Variants in SEZ6L2 observed in about 807,000 individuals in gnomAD.
SEZ6L2 encodes the protein seizure related 6 homolog like 2, also known as seizure 6-like protein 2.
SEZ6L2 carries 44 observed loss-of-function variants against 97.0 expected under a neutral mutation model. The ratio of observed to expected loss-of-function variants is 0.45; its 90% confidence interval spans 0.36 to 0.58. The LOEUF is 0.58. Among genes scored for constraint, SEZ6L2 ranks in the 20% least tolerant of loss-of-function variants. The pLI, the probability that SEZ6L2 is intolerant of heterozygous loss-of-function variation, is 0.00. For synonymous variants in SEZ6L2, 543 were observed against 546.1 expected (o/e 0.99, Z 0.08); for missense variants, 1,086 against 1,233.3 (o/e 0.88, Z 1.79).
intron 5 of SEZ6L2, among the ~76,000 whole-genome samples, chr16:29,893,907 G>A (rs1278477506): frequency 2.6e-5 from 4 of 152,134 alleles, no homozygotes; most frequent in African/African-American, 9.7e-5. Flanking sequence ...TTTCACTTTT[G>A]TCACCTAGCC....
At chr16:29,872,811 G>C in intron 14 of SEZ6L2, 68 bp from the exon 15 acceptor site, 1 of 1,335,326 alleles carries the variant, frequency 7.5e-7, no homozygotes, top group Admixed American at 1.8e-5. Context: ...GAGGGGCCGG[G>C]AGCCCGGTGG....
chr16:29,883,558 A>G (rs1447826889), intron 8 of SEZ6L2, among the ~76,000 whole-genome samples: 1 of 152,086 alleles, frequency 6.6e-6, no homozygotes, highest in African/African-American at 2.4e-5. Context: ...GCCTCAAACA[A>G]TCATCCCACC....
Position 29,879,875 on chromosome 16 carries a change from G to C in SEZ6L2, c.1562C>G (p.Pro521Arg), listed in dbSNP as rs751517252. 14 of 1,600,918 alleles carry C rather than the reference G, an allele frequency of 8.7e-6. No homozygotes were observed. The highest frequency in any genetic ancestry group is 1.1e-5 in the Non-Finnish European group (13 of 1,170,618). ...CAAGGAAGGCTCACCTTTGCAGGCC[G>C]GCTCTGTGTCGTTCCAGTGGGGTTC... ...PTEPHWNDTE[P>R]ACKAMCGGEL... The change falls in exon 9 of 18, where the codon CCG becomes CGG. Residue 521 changes from proline (P) to arginine (R), a missense_variant. Coordinates refer to ENST00000617533, the MANE Select transcript of SEZ6L2 (RefSeq NM_001243332.2).
chr16:29,876,839 G>C lies in SEZ6L2; in HGVS notation c.2021C>G (p.Pro674Arg). The C allele has an allele frequency of 6.2e-7, 1 of 1,612,082 alleles. No individual in the cohort carries two copies. The highest frequency in any genetic ancestry group is 8.5e-7 in the Non-Finnish European group (1 of 1,179,236). The change falls in exon 12 of 18, where the codon CCT becomes CGT. Residue 674 changes from proline (P) to arginine (R), a missense_variant. Physicochemically the swap from Pro to Arg is moderately radical, Grantham distance 103. Transcript: ENST00000617533. This position sits in a 1 kb window ranked among gnomAD's most constrained non-coding sequence, Gnocchi z 6.5. ...GTCGGAGCCTAGCAGCTCGTAGCCAGGCTCGCACTGGTAGGTGAGCACCGT... is the reference window on the plus strand; with the variant it reads ...GTCGGAGCCTAGCAGCTCGTAGCCACGCTCGCACTGGTAGGTGAGCACCGT... ...RGTVLTYQCE[P>R]GYELLGSDIL...
In SEZ6L2 at chr16:29,890,415, C is replaced by G. The variant is rs2068246578; in HGVS notation, c.854-1690G>C. Among the ~76,000 whole-genome samples the G allele has an allele frequency of 2.6e-5, 4 of 152,160 alleles. No homozygotes were observed. The South Asian group carries it at 6.2e-4, about 24-fold the overall frequency. On this transcript the variant is annotated intron_variant, in intron 5 of 17. Transcript: ENST00000617533. The stretch of plus-strand genomic sequence containing the variant: ...GTAGCTTTGGGAATGGCTGCCCATG[C>G]CCAACAGAATCAAGTCTGAATGCTT...
intron 17 of SEZ6L2, among the ~76,000 whole-genome samples, 197 bp downstream of exon 17, chr16:29,871,990 G>A (rs2067792681): frequency 6.6e-6 from 1 of 152,160 alleles, no homozygotes; most frequent in Non-Finnish European, 1.5e-5. Flanking sequence ...CTTGAGATGG[G>A]GCACAAGTCC....
chr16:29,895,199 A>AT, intron 5 of SEZ6L2, 60 bp downstream of exon 5: 12 of 893,078 alleles, frequency 1.3e-5, no homozygotes, highest in East Asian at 2.6e-5. Context: ...AAAAAAAAAA[A>AT]GATGTCCAGT....
Position 29,871,429 on chromosome 16 carries a change from G to A in SEZ6L2, c.*270C>T. The A allele has an allele frequency of 1.8e-6, 1 of 564,880 alleles. No homozygotes were observed. The highest frequency in any genetic ancestry group is 3.2e-6 in the Non-Finnish European group (1 of 314,724). 35.0% of individuals were successfully genotyped at this position (564,880 alleles called of 1,614,324 possible). ...GAGGGGCTGCAAGATTTGCAGGGAG[G>A]CAGAGTTCCCCTCCCAGAATCCAAA... On this transcript the variant is annotated 3_prime_UTR_variant, in exon 18 of 18. Coordinates refer to ENST00000617533, the MANE Select transcript of SEZ6L2 (RefSeq NM_001243332.2).
intron 5 of SEZ6L2, among the ~76,000 whole-genome samples, chr16:29,893,418 G>C (rs939421957): frequency 2.7e-5 from 4 of 149,820 alleles, no homozygotes; most frequent in Non-Finnish European, 5.9e-5. Context: ...AGGCCAAGGC[G>C]GGTGGATCAC....
chr16:29,884,660 T>A (rs946663500), intron 8 of SEZ6L2, among the ~76,000 whole-genome samples: 1 of 152,048 alleles, frequency 6.6e-6, no homozygotes, highest in African/African-American at 2.4e-5. Flanking sequence ...ACGCCTGTAA[T>A]CCCAACACTT....
intron 5 of SEZ6L2, among the ~76,000 whole-genome samples, chr16:29,891,761 C>T (rs2150809790): frequency 6.6e-6 from 1 of 152,342 alleles, no homozygotes; most frequent in Middle Eastern, 3.4e-3. Context: ...AGCTCCAGAA[C>T]TTACTAACTA....
chr16:29,885,867 G>T, intron 7 of SEZ6L2, 118 bp from the exon 8 acceptor site: 3 of 965,916 alleles, frequency 3.1e-6, no homozygotes, highest in Non-Finnish European at 3.0e-6. Flanking sequence ...TATATGCCAC[G>T]CACTCTTCTA....
In SEZ6L2 at chr16:29,871,667, C is replaced by T; in HGVS notation, c.*32G>A. The T allele has an allele frequency of 1.9e-6, 3 of 1,600,948 alleles. No individual in the cohort carries two copies. The highest frequency in any genetic ancestry group is 1.1e-5 in the South Asian group (1 of 88,898). On this transcript the variant is annotated 3_prime_UTR_variant, in exon 18 of 18. Transcript: ENST00000617533. ...TCTGCCCGAATGAGGAGGGGAGGGG[C>T]GTCCTGGGTCCTGCAGCTGTAGTCT...
chr16:29,899,311 A>AG lies in SEZ6L2; in HGVS notation c.-293_-292insC, dbSNP rs1043955715. On this transcript the variant is annotated 5_prime_UTR_variant, in exon 1 of 18. Coordinates refer to ENST00000617533, the MANE Select transcript of SEZ6L2 (RefSeq NM_001243332.2). ...GCAGGGGGTGGGGCCGAGAGGGCCG[A>AG]AGGGGCCGGGTGGCCTGGGTTACCC... 4.9e-6 allele frequency: 2 copies of AG among 406,078 alleles called. No individual in the cohort carries two copies. Among genetic ancestry groups the AG allele is most frequent in the African/African-American group, 4.3e-5 (2 of 46,186 alleles). The allele number at this position is 406,078 out of a possible 1,614,324, so 25.2% of individuals were successfully genotyped here. A position where few individuals can be genotyped will look rare whatever the true frequency, so the allele number is the denominator to read the frequency against.
chr16:29,878,412 C>T lies in SEZ6L2; in HGVS notation c.1587G>A (p.Gly529=), dbSNP rs1414371184. Reference sequence around the variant, plus strand: ...CCACGCCAGCTGGTTCCGACAGCTCCCCTCCACACATGGCTAGGGAAAAAG... The same window carrying T: ...CCACGCCAGCTGGTTCCGACAGCTCTCCTCCACACATGGCTAGGGAAAAAG... The part of the protein sequence containing the change: ...TEPACKAMCG[G]ELSEPAGVVL... The change falls in exon 10 of 18, where the codon GGG becomes GGA. Residue 529 remains glycine, a synonymous_variant. Coordinates refer to ENST00000617533, the MANE Select transcript of SEZ6L2 (RefSeq NM_001243332.2). 6.2e-7 allele frequency: 1 copy of T among 1,601,794 alleles called. No individual in the cohort carries two copies. Among genetic ancestry groups the T allele is most frequent in the African/African-American group, 1.3e-5 (1 of 74,744 alleles).
chr16:29,879,847 C>A lies in SEZ6L2; in HGVS notation c.1573+17G>T. The A allele has an allele frequency of 6.4e-7, 1 of 1,573,172 alleles. No homozygotes were observed. The highest frequency in any genetic ancestry group is 8.7e-7 in the Non-Finnish European group (1 of 1,155,996). On this transcript the variant is annotated intron_variant, in intron 9 of 17. Coordinates refer to ENST00000617533, the MANE Select transcript of SEZ6L2 (RefSeq NM_001243332.2). ...CAACGTGGACTGAAGGACATGCCTG[C>A]GACAAGGAAGGCTCACCTTTGCAGG...
chr16:29,897,871 C>T lies in SEZ6L2; in HGVS notation c.193G>A (p.Glu65Lys), dbSNP rs763342798. ...LHGALLRRGP[E>K]MGYLPGSDRD... ...GCCTCACCTGGCAGGTAGCCCATCT[C>T]TGGGCCCCTCCTCAGCAGGGCCCCA... is the stretch of plus-strand genomic sequence containing the variant. The change falls in exon 2 of 18, where the codon GAG becomes AAG. Residue 65 changes from glutamate to lysine, a missense_variant. Coordinates refer to ENST00000617533, the MANE Select transcript of SEZ6L2 (RefSeq NM_001243332.2). The T allele has an allele frequency of 1.2e-6, 2 of 1,607,634 alleles. No individual in the cohort carries two copies. The highest frequency in any genetic ancestry group is 2.2e-5 in the South Asian group (2 of 90,588).
chr16:29,887,636 C>T lies in SEZ6L2; in HGVS notation c.1208+13G>A. The stretch of plus-strand genomic sequence containing the variant: ...CAAGGTGGGGACTTCTGACCCAAGA[C>T]CCAGACCCTTACCGGTCATTGTCCT... On this transcript the variant is annotated intron_variant, in intron 7 of 17. Coordinates refer to ENST00000617533, the MANE Select transcript of SEZ6L2 (RefSeq NM_001243332.2). 6.4e-7 allele frequency: 1 copy of T among 1,553,598 alleles called. No homozygotes were observed. Among genetic ancestry groups the T allele is most frequent in the Non-Finnish European group, 8.7e-7 (1 of 1,146,270 alleles).
rs2150804660 is a variant in SEZ6L2, at chr16:29,888,663, G to A, written c.916C>T (p.Leu306=). ...PAHGDVSVTD[L]HPGGTATFHC... is the part of the protein sequence containing the mutation. ...AAGGTGGCAGTGCCCCCAGGGTGCA[G>A]GTCCGTCACACTCACGTCCCCATGG... The change falls in exon 6 of 18, where the codon CTG becomes TTG. Residue 306 remains leucine (L), a synonymous_variant. Transcript: ENST00000617533. 6.2e-7 allele frequency: 1 copy of A among 1,614,030 alleles called. No individual in the cohort carries two copies. The highest frequency in any genetic ancestry group is 1.3e-5 in the African/African-American group (1 of 75,040).
Sources: allele counts gnomAD v4.1 joint callset (sites outside exome capture counted in the v4.1 genomes callset), GRCh38; gene constraint gnomAD v4.1.1; non-coding constraint Gnocchi (gnomAD v3.1); transcripts MANE v1.5; gene names NCBI Gene and HGNC (gene_info 2026-07-23, HGNC 2026-07-21).